The following GALNT17 variants were observed in gnomAD, a reference collection of about 807,000 sequenced individuals.
The protein encoded by GALNT17 is polypeptide N-acetylgalactosaminyltransferase 17.
A neutral mutation model predicts 63.7 loss-of-function variants in GALNT17; 29 were observed. The observed-to-expected ratio is 0.46, with a 90% CI of 0.34 to 0.62. The LOEUF (loss-of-function observed/expected upper bound fraction) is 0.62, where lower values mean the gene tolerates loss of function less well. Ranked by LOEUF, GALNT17 falls within the 20% of genes least tolerant of loss-of-function variation. The probability of loss-of-function intolerance (pLI) is 0.01; values close to 1 mark genes in which losing one functional copy is unlikely to be tolerated. For synonymous variants in GALNT17, 305 were observed against 318.3 expected (o/e 0.96, Z 0.45); for missense variants, 603 against 799.6 (o/e 0.75, Z 2.97).
chr7:71,239,295 A>AT (rs1554343106), intron 1 of GALNT17, among the ~76,000 whole-genome samples: 1 of 137,264 alleles, frequency 7.3e-6, no homozygotes, highest in East Asian at 2.1e-4. Context: ...CCCTGTCTGT[A>AT]CCCCCCCCCA....
chr7:71,309,685 T>C (rs1248509608), intron 1 of GALNT17, among the ~76,000 whole-genome samples: 1 of 151,854 alleles, frequency 6.6e-6, no homozygotes, highest in Non-Finnish European at 1.5e-5. Flanking sequence ...ATAATAAGAG[T>C]TATGTTAAGG....
chr7:71,517,292 C>G (rs1424696883), intron 5 of GALNT17, among the ~76,000 whole-genome samples: 2 of 152,148 alleles, frequency 1.3e-5, no homozygotes, highest in Non-Finnish European at 2.9e-5. Flanking sequence ...CTTTCTTCTT[C>G]TTACAGGATA....
chr7:71,307,989 G>A (rs146957024), intron 1 of GALNT17, among the ~76,000 whole-genome samples: 16 of 152,026 alleles, frequency 1.1e-4, no homozygotes, highest in Non-Finnish European at 1.9e-4. Flanking sequence ...TAGGTGGGAC[G>A]TGCCTCATTG....
At chr7:71,608,864 G>A (rs955861326) in intron 6 of GALNT17, among the ~76,000 whole-genome samples, 1 of 152,060 alleles carries the variant, frequency 6.6e-6, no homozygotes, top group South Asian at 2.1e-4. Context: ...CTGCAGCCAT[G>A]AGCTCCTAGG....
chr7:71,633,813 G>A (rs1010278652), intron 6 of GALNT17, among the ~76,000 whole-genome samples: 3 of 152,194 alleles, frequency 2.0e-5, no homozygotes, highest in Admixed American at 6.5e-5. Context: ...GCATTTGCAG[G>A]TAGGGTCCAA....
At chr7:71,556,706 C>G (rs1179399134) in intron 5 of GALNT17, among the ~76,000 whole-genome samples, 2 of 151,748 alleles carry the variant, frequency 1.3e-5, no homozygotes, top group African/African-American at 2.4e-5. Flanking sequence ...ACTACAAGCT[C>G]GAGCCACCAC....
At chr7:71,579,854 G>A (rs539856080) in intron 6 of GALNT17, among the ~76,000 whole-genome samples, 27 of 152,122 alleles carry the variant, frequency 1.8e-4, no homozygotes, top group African/African-American at 6.0e-4. Context: ...AAATAGATAG[G>A]TAGGTAGGAA....
At chr7:71,270,452 G>A (rs1282698522) in intron 1 of GALNT17, among the ~76,000 whole-genome samples, 1 of 150,344 alleles carries the variant, frequency 6.7e-6, no homozygotes, top group Non-Finnish European at 1.5e-5. Flanking sequence ...TTGAACCCGG[G>A]AGGCAAAGGT....
At chr7:71,228,513 C>T (rs1214255584) in intron 1 of GALNT17, among the ~76,000 whole-genome samples, 1 of 152,144 alleles carries the variant, frequency 6.6e-6, no homozygotes, top group Non-Finnish European at 1.5e-5. Context: ...AAATCAATAC[C>T]ACGGGGCTGA....
chr7:71,221,155 C>T (rs1789575499), intron 1 of GALNT17, among the ~76,000 whole-genome samples: 1 of 151,998 alleles, frequency 6.6e-6, no homozygotes, highest in African/African-American at 2.4e-5. Flanking sequence ...GCCCTGGAGC[C>T]CCTAGTGGGA....
At chr7:71,517,354 C>G (rs1788461264) in intron 5 of GALNT17, among the ~76,000 whole-genome samples, 1 of 152,126 alleles carries the variant, frequency 6.6e-6, no homozygotes, top group Non-Finnish European at 1.5e-5. Flanking sequence ...AACCTAATCA[C>G]CTCCCAAAGT....
chr7:71,488,266 G>A (rs771165051), intron 5 of GALNT17, among the ~76,000 whole-genome samples: 3 of 152,028 alleles, frequency 2.0e-5, no homozygotes, highest in Non-Finnish European at 4.4e-5. Context: ...TAGACTTGGT[G>A]GAGATTATGG....
intron 6 of GALNT17, among the ~76,000 whole-genome samples, chr7:71,621,516 T>G (rs1790290557): frequency 9.0e-6 from 1 of 110,720 alleles, no homozygotes; most frequent in Non-Finnish European, 1.9e-5. Context: ...GATGGATGGA[T>G]GGATGGATGG....
chr7:71,448,742 C>A (rs1014751883), intron 5 of GALNT17, among the ~76,000 whole-genome samples: 3 of 152,130 alleles, frequency 2.0e-5, no homozygotes, highest in African/African-American at 7.2e-5. Context: ...GGATGCATTA[C>A]TATTTGATTC....
At chr7:71,651,241 A>AAG (rs1790750238) in intron 6 of GALNT17, among the ~76,000 whole-genome samples, 1 of 146,748 alleles carries the variant, frequency 6.8e-6, no homozygotes, top group Non-Finnish European at 1.5e-5. Flanking sequence ...AAAAAAAAAA[A>AAG]GGAAGGGAGG....
chr7:71,356,611 C>A (rs1792290712), intron 2 of GALNT17, among the ~76,000 whole-genome samples: 1 of 152,154 alleles, frequency 6.6e-6, no homozygotes, highest in South Asian at 2.1e-4. Flanking sequence ...CTCTTGAGAA[C>A]TCACAGAGTA....
In GALNT17 at chr7:71,710,801, C is replaced by T. The variant is rs765426190; in HGVS notation, c.1541C>T (p.Ala514Val). Residue 514 changes from alanine (A) to valine (V), a missense_variant, in exon 10 of 11, where the codon GCC becomes GTC. Transcript: ENST00000333538. ...YTKEGFLHLG[A>V]LGTTTLLPDT... ...AAGGAAGGCTTCCTGCACTTGGGTGCCCTGGGGACCACCACACTCCTCCCT... is the reference window on the plus strand; with the variant it reads ...AAGGAAGGCTTCCTGCACTTGGGTGTCCTGGGGACCACCACACTCCTCCCT... 4.3e-6 allele frequency: 7 copies of T among 1,613,258 alleles called. No individual in the cohort carries two copies. Among genetic ancestry groups the T allele is most frequent in the Non-Finnish European group, 5.1e-6 (6 of 1,179,992 alleles).
At chr7:71,528,289 C>G (rs1207812765) in intron 5 of GALNT17, among the ~76,000 whole-genome samples, 4 of 152,206 alleles carry the variant, frequency 2.6e-5, no homozygotes, top group African/African-American at 9.7e-5. Flanking sequence ...GTCCTGTGGG[C>G]TGCTCCCATC....
chr7:71,159,874 TG>T (rs1788308966), intron 1 of GALNT17, among the ~76,000 whole-genome samples: 1 of 149,772 alleles, frequency 6.7e-6, no homozygotes, highest in African/African-American at 2.5e-5. Context: ...CTCCACTTTC[TG>T]GGTTCAAGCA....
Sources: gnomAD v4.1 joint callset for allele counts (sites outside exome capture counted in the v4.1 genomes callset) on GRCh38, gnomAD v4.1.1 for gene constraint, MANE v1.5 for transcripts, NCBI Gene and HGNC (gene_info 2026-07-23, HGNC 2026-07-21) for gene names.